Variants in DOCK4 observed in about 807,000 individuals in gnomAD.
DOCK4 encodes the protein dedicator of cytokinesis 4, also known as dedicator of cytokinesis protein 4.
A neutral mutation model predicts 268.1 loss-of-function variants in DOCK4; 97 were observed. The observed-to-expected ratio is 0.36, with a 90% CI of 0.31 to 0.43. DOCK4 has a LOEUF of 0.43. Among genes scored for constraint, DOCK4 ranks in the 20% least tolerant of loss-of-function variants. DOCK4 has a pLI of 1.00. For synonymous variants in DOCK4, 954 were observed against 887.2 expected (o/e 1.08, Z -1.34); for missense variants, 2,145 against 2,455.7 (o/e 0.87, Z 2.67).
chr7:112,196,992 C>G (rs1188893679), intron 1 of DOCK4, among the ~76,000 whole-genome samples: 1 of 152,026 alleles, frequency 6.6e-6, no homozygotes, highest in African/African-American at 2.4e-5. Flanking sequence ...ATCACCACGC[C>G]GTACCACTGA....
intron 1 of DOCK4, among the ~76,000 whole-genome samples, chr7:112,090,121 T>A (rs1160684031): frequency 6.6e-6 from 1 of 152,156 alleles, no homozygotes; most frequent in African/African-American, 2.4e-5. Context: ...GCTTTTAGTC[T>A]CAAGGTAAAG....
At chr7:111,855,997 G>A (rs1336550347) in intron 23 of DOCK4, among the ~76,000 whole-genome samples, 1 of 152,180 alleles carries the variant, frequency 6.6e-6, no homozygotes, top group Non-Finnish European at 1.5e-5. Flanking sequence ...CAGGAAGAGT[G>A]AGGAGGCCCG....
At chr7:112,154,202 G>A (rs1424880638) in intron 1 of DOCK4, among the ~76,000 whole-genome samples, 1 of 151,978 alleles carries the variant, frequency 6.6e-6, no homozygotes, top group East Asian at 1.9e-4. Context: ...AAACTCCTGG[G>A]CTCAAGCAAT....
chr7:111,886,832 T>C (rs1807886573), intron 16 of DOCK4, among the ~76,000 whole-genome samples: 5 of 152,162 alleles, frequency 3.3e-5, no homozygotes, highest in Admixed American at 2.6e-4. Context: ...AAATATACTA[T>C]AGCTTATATA....
intron 7 of DOCK4, among the ~76,000 whole-genome samples, chr7:111,980,011 G>T (rs985437803): frequency 6.6e-6 from 1 of 152,176 alleles, no homozygotes; most frequent in Admixed American, 6.5e-5. Flanking sequence ...GATTCTAATG[G>T]GCAATGAGGG....
At chr7:111,788,379 G>A in intron 32 of DOCK4, 1 of 362,622 alleles carries the variant, frequency 2.8e-6, no homozygotes, top group Non-Finnish European at 5.1e-6. Context: ...TGCAGGAATG[G>A]TTTTAAAATT....
chr7:112,204,613 G>A (rs1251326717), intron 1 of DOCK4, among the ~76,000 whole-genome samples: 1 of 152,164 alleles, frequency 6.6e-6, no homozygotes, highest in Non-Finnish European at 1.5e-5. Flanking sequence ...GGTGGGTTCA[G>A]GTCAAACTAT....
chr7:111,809,580 T>C (rs937701819), intron 28 of DOCK4, among the ~76,000 whole-genome samples, 179 bp from the exon 29 acceptor site: 1 of 152,236 alleles, frequency 6.6e-6, no homozygotes, highest in African/African-American at 2.4e-5. Context: ...CATTATACTA[T>C]TCTCTCTACT....
chr7:112,141,986 T>C (rs962175760), intron 1 of DOCK4, among the ~76,000 whole-genome samples: 1 of 152,176 alleles, frequency 6.6e-6, no homozygotes, highest in Non-Finnish European at 1.5e-5. Flanking sequence ...TCTTAACTAC[T>C]TGCAACTAAT....
chr7:112,036,959 C>A (rs1803852714), intron 1 of DOCK4, among the ~76,000 whole-genome samples: 1 of 152,150 alleles, frequency 6.6e-6, no homozygotes, highest in African/African-American at 2.4e-5. Context: ...CCGTGCCCTG[C>A]CTGACAGGAT....
intron 1 of DOCK4, among the ~76,000 whole-genome samples, chr7:112,116,139 C>A (rs944240810): frequency 6.6e-6 from 1 of 152,098 alleles, no homozygotes; most frequent in Non-Finnish European, 1.5e-5. Context: ...AAACCCCATA[C>A]CCATTAGCAG....
At chr7:111,947,866 G>C in intron 8 of DOCK4, among the ~76,000 whole-genome samples, 1 of 152,018 alleles carries the variant, frequency 6.6e-6, no homozygotes, top group Non-Finnish European at 1.5e-5. Context: ...TGGGACTACA[G>C]CTGTGTGCCA....
chr7:112,053,063 G>A (rs1425731583), intron 1 of DOCK4, among the ~76,000 whole-genome samples: 2 of 152,066 alleles, frequency 1.3e-5, no homozygotes, highest in East Asian at 3.9e-4. Flanking sequence ...TTCTTTCAAA[G>A]AACAAACACA....
intron 1 of DOCK4, among the ~76,000 whole-genome samples, chr7:112,005,780 T>C (rs1800809360): frequency 6.6e-6 from 1 of 152,202 alleles, no homozygotes; most frequent in South Asian, 2.1e-4. Context: ...AACACCCTTG[T>C]ACACCCAGGG....
At chr7:111,952,224 C>T (rs931910912) in intron 8 of DOCK4, among the ~76,000 whole-genome samples, 1 of 152,126 alleles carries the variant, frequency 6.6e-6, no homozygotes, top group Non-Finnish European at 1.5e-5. Context: ...CTCAGTTGAA[C>T]TACTGATATT....
chr7:111,888,950 C>A (rs1313031987), intron 16 of DOCK4, among the ~76,000 whole-genome samples: 1 of 152,056 alleles, frequency 6.6e-6, no homozygotes, highest in Non-Finnish European at 1.5e-5. Context: ...CTCTCTACTC[C>A]AGCAGCTATA....
rs375377633 is a variant in DOCK4, at chr7:111,867,953, C to A, written c.2280+31G>T. The stretch of plus-strand genomic sequence containing the variant: ...ATAAATAAACTGCACTTATCGTTTT[C>A]TTCTATTCAGCATAGATGAAAAGAA... On this transcript the variant is annotated intron_variant, in intron 22 of 52. Coordinates refer to ENST00000428084, the MANE Select transcript of DOCK4 (RefSeq NM_001363540.2). 1.3e-5 allele frequency: 19 copies of A among 1,508,064 alleles called. No homozygotes were observed. In the South Asian group the frequency reaches 2.3e-4, roughly 18 times the overall value. 93.4% of individuals were successfully genotyped at this position (1,508,064 alleles called of 1,614,324 possible). A position where few individuals can be genotyped will look rare whatever the true frequency, so the allele number is the denominator to read the frequency against.
intron 1 of DOCK4, among the ~76,000 whole-genome samples, chr7:112,066,739 A>ATATATATATC (rs1711596797): frequency 1.1e-5 from 1 of 91,568 alleles, no homozygotes; most frequent in African/African-American, 4.1e-5. Context: ...ATATATATAT[A>ATATATATATC]TATCTCCTAT....
intron 1 of DOCK4, among the ~76,000 whole-genome samples, chr7:112,013,965 A>G (rs575646967): frequency 6.6e-6 from 1 of 152,314 alleles, no homozygotes; most frequent in Non-Finnish European, 1.5e-5. Context: ...GGCACAATGC[A>G]TGACACCTAG....
Sources: gnomAD v4.1 joint callset for allele counts (sites outside exome capture counted in the v4.1 genomes callset) on GRCh38, gnomAD v4.1.1 for gene constraint, MANE v1.5 for transcripts, NCBI Gene and HGNC (gene_info 2026-07-23, HGNC 2026-07-21) for gene names.